Variants in GFRA3 observed in about 807,000 individuals in gnomAD.
The protein encoded by GFRA3 is GDNF family receptor alpha-3.
Under a neutral mutation model 40.0 loss-of-function variants are expected in GFRA3, and 24 were observed. The ratio of observed to expected loss-of-function variants is 0.60; its 90% CI spans 0.43 to 0.84. The LOEUF is 0.84. Among genes scored for constraint, GFRA3 ranks in the 40% least tolerant of loss-of-function variants. GFRA3 has a pLI of 0.00. For missense variants in GFRA3, 405 were observed against 530.6 expected, an observed-to-expected ratio of 0.76 and a Z score of 2.33; for synonymous variants, 203 against 213.5, an observed-to-expected ratio of 0.95 and a Z score of 0.43.
rs555082203 is a variant in GFRA3, at chr5:138,273,203, C to A, written c.91+1131G>T. On this transcript the variant is annotated intron_variant, in intron 1 of 7. Coordinates refer to ENST00000274721, the MANE Select transcript of GFRA3 (RefSeq NM_001496.4). ...CCTGAGCAATGATATTTTCCACCCC[C>A]AAAGCCCTCTGTTGGTCTGTGCTCT... is the stretch of plus-strand genomic sequence containing the variant. Among the ~76,000 whole-genome samples the A allele has an allele frequency of 3.9e-5, 6 of 152,294 alleles. No homozygotes were observed. The East Asian group carries it at 1.2e-3, about 29-fold the overall frequency.
chr5:138,274,472 G>A lies in GFRA3; in HGVS notation c.-48C>T. 8.0e-7 allele frequency: 1 copy of A among 1,257,602 alleles called. No homozygotes were observed. 77.9% of individuals were successfully genotyped at this position (1,257,602 alleles called of 1,614,324 possible). ...CCGCGCTCCCCTCGCTCCTCCCCTG[G>A]AGCTCTGAGAGCGGGGCTCCCTCGA... On this transcript the variant is annotated 5_prime_UTR_variant, in exon 1 of 8. Coordinates refer to ENST00000274721, the MANE Select transcript of GFRA3 (RefSeq NM_001496.4).
intron 1 of GFRA3, 89 bp downstream of exon 1, chr5:138,274,245 G>C: frequency 2.3e-6 from 3 of 1,297,952 alleles, no homozygotes; most frequent in Non-Finnish European, 2.9e-6. Context: ...AGGCTGCTGC[G>C]CCCTCTCCGG....
At chr5:138,264,622 G>T in intron 1 of GFRA3, 74 bp from the exon 2 acceptor site, 1 of 1,001,486 alleles carries the variant, frequency 1.0e-6, no homozygotes, top group Non-Finnish European at 1.5e-6. Context: ...CATGAGGTTG[G>T]GAGAGGGATA....
intron 2 of GFRA3, among the ~76,000 whole-genome samples, chr5:138,261,693 C>CAAAAAA (rs70979598): frequency 7.6e-4 from 35 of 46,134 alleles, no homozygotes; most frequent in Middle Eastern, 0.012. Flanking sequence ...GACTCTGTCT[C>CAAAAAA]AAAAAAAAAA....
In GFRA3 at chr5:138,274,357, G is replaced by A. The variant is rs753915925; in HGVS notation, c.68C>T (p.Pro23Leu). Residue 23 changes from proline (P) to leucine (L), a missense_variant, in exon 1 of 8, where the codon CCG becomes CTG. Physicochemically the swap from Pro to Leu is moderately conservative, Grantham distance 98 (BLOSUM62 -3). Coordinates refer to ENST00000274721, the MANE Select transcript of GFRA3 (RefSeq NM_001496.4). ...VVLMLLLLLPPSPLPLAAGDP... is the reference protein window; with the variant it reads ...VVLMLLLLLPLSPLPLAAGDP... ...ACCGGCTGCGAGAGGCAGCGGCGAC[G>A]GCGGCAGCAGCAGCAGCAACATCAG... 15 of 1,336,742 alleles carry A rather than the reference G, an allele frequency of 1.1e-5. No homozygotes were observed. Among genetic ancestry groups the A allele is most frequent in the Non-Finnish European group, 1.4e-5 (15 of 1,039,460 alleles). The allele number at this position is 1,336,742 out of a possible 1,614,324, so 82.8% of individuals were successfully genotyped here.
intron 1 of GFRA3, among the ~76,000 whole-genome samples, chr5:138,272,807 C>T (rs1755895443): frequency 6.6e-6 from 1 of 152,042 alleles, no homozygotes; most frequent in Admixed American, 6.6e-5. Flanking sequence ...TTACTTGCCC[C>T]ACCTCCTCAT....
rs1330801308 is a variant in GFRA3 at position 138,271,929 on chromosome 5, G to A, written c.91+2405C>T. Among the ~76,000 whole-genome samples, 27 of 126,244 alleles carry A rather than the reference G, an allele frequency of 2.1e-4. 1 individual carries two copies. The highest frequency in any genetic ancestry group is 2.7e-4 in the Non-Finnish European group (17 of 62,010). The allele number at this position is 126,244 out of a possible 152,430, so 82.8% of individuals were successfully genotyped here. On this transcript the variant is annotated intron_variant, in intron 1 of 7. Transcript: ENST00000274721. Reference sequence around the variant, plus strand: ...TTTTTTTTTTTGTGTGTGTGTGTGTGTGTGTGTGTGTGTGTGGTTTGGTTG... The same window carrying A: ...TTTTTTTTTTTGTGTGTGTGTGTGTATGTGTGTGTGTGTGTGGTTTGGTTG...
chr5:138,271,910 T>G (rs1755877665), intron 1 of GFRA3, among the ~76,000 whole-genome samples: 4 of 118,124 alleles, frequency 3.4e-5, no homozygotes, highest in South Asian at 2.9e-4. Flanking sequence ...TTTTTTTTTT[T>G]TTTTGTGTGT....
chr5:138,266,830 C>T (rs1419147632), intron 1 of GFRA3, among the ~76,000 whole-genome samples: 1 of 151,968 alleles, frequency 6.6e-6, no homozygotes, highest in Non-Finnish European at 1.5e-5. Context: ...TACAGGCACC[C>T]GCCACAATGC....
At chr5:138,266,786 A>T (rs1755791446) in intron 1 of GFRA3, among the ~76,000 whole-genome samples, 1 of 151,332 alleles carries the variant, frequency 6.6e-6, no homozygotes, top group South Asian at 2.1e-4. Flanking sequence ...GGCTCAAGCG[A>T]TTCTCCTGCC....
chr5:138,256,001 G>A (rs1201458679), intron 4 of GFRA3, among the ~76,000 whole-genome samples: 1 of 151,896 alleles, frequency 6.6e-6, no homozygotes, highest in African/African-American at 2.4e-5. Context: ...GCCAAGGTGG[G>A]CAGATCAACT....
chr5:138,264,769 A>G (rs1755758628), intron 1 of GFRA3, among the ~76,000 whole-genome samples: 1 of 152,160 alleles, frequency 6.6e-6, no homozygotes. Context: ...AGGCCCAACA[A>G]GAAATAGGGG....
intron 2 of GFRA3, among the ~76,000 whole-genome samples, chr5:138,262,059 A>G (rs1755718425): frequency 1.3e-5 from 2 of 152,228 alleles, no homozygotes. Context: ...TAGAAATCAA[A>G]GATATAAGCA....
chr5:138,261,684 ACT>A (rs1409905670), intron 2 of GFRA3, among the ~76,000 whole-genome samples: 1 of 119,832 alleles, frequency 8.3e-6, no homozygotes, highest in Admixed American at 1.1e-4. Context: ...ACAGAGGAAG[ACT>A]CTGTCTCAAA....
At chr5:138,266,118 C>T (rs1433367125) in intron 1 of GFRA3, among the ~76,000 whole-genome samples, 5 of 152,134 alleles carry the variant, frequency 3.3e-5, no homozygotes, top group South Asian at 2.1e-4. Context: ...TTGTGAATAG[C>T]GCTTTGATGA....
intron 2 of GFRA3, among the ~76,000 whole-genome samples, chr5:138,261,443 C>A (rs1040433370): frequency 3.3e-5 from 5 of 152,066 alleles, no homozygotes; most frequent in Non-Finnish European, 5.9e-5. Context: ...TGCCTGTAAT[C>A]CCGGCATTTT....
At chr5:138,257,045 C>T (rs977032946) in intron 4 of GFRA3, among the ~76,000 whole-genome samples, 4 of 152,054 alleles carry the variant, frequency 2.6e-5, no homozygotes, top group East Asian at 1.9e-4. Context: ...CACCACTCTA[C>T]ATAAATTATG....
At position 138,274,586 on chromosome 5, in the gene GFRA3, G is replaced by T; in HGVS notation, c.-162C>A. The T allele has an allele frequency of 2.4e-6, 3 of 1,226,758 alleles. No individual in the cohort carries two copies. The highest frequency in any genetic ancestry group is 3.0e-6 in the Non-Finnish European group (3 of 985,204). 76.0% of individuals were successfully genotyped at this position (1,226,758 alleles called of 1,614,324 possible). A position where few individuals can be genotyped will look rare whatever the true frequency, so the allele number is the denominator to read the frequency against. Reference sequence around the variant, plus strand: ...CTGGGCGCCGCCCTCCAACTCCGAAGCGCGCGTCCACACCACGCGCCTCCA... The same window carrying T: ...CTGGGCGCCGCCCTCCAACTCCGAATCGCGCGTCCACACCACGCGCCTCCA... On this transcript the variant is annotated 5_prime_UTR_variant, in exon 1 of 8. Transcript: ENST00000274721.
rs1755924094 is a variant in GFRA3 at position 138,274,550 on chromosome 5, C to T, written c.-126G>A. ...CCTCCAGCGCGACGCACACACTCTC[C>T]CACCAGGGTCCTGGGCGCCGCCCTC... On this transcript the variant is annotated 5_prime_UTR_variant, in exon 1 of 8. Coordinates refer to ENST00000274721, the MANE Select transcript of GFRA3 (RefSeq NM_001496.4). 8.1e-7 allele frequency: 1 copy of T among 1,231,776 alleles called. No individual in the cohort carries two copies. Among genetic ancestry groups the T allele is most frequent in the Non-Finnish European group, 1.0e-6 (1 of 987,814 alleles). The allele number at this position is 1,231,776 out of a possible 1,614,324, so 76.3% of individuals were successfully genotyped here. A position where few individuals can be genotyped will look rare whatever the true frequency, so the allele number is the denominator to read the frequency against.
Sources: gnomAD v4.1 joint callset for allele counts (sites outside exome capture counted in the v4.1 genomes callset) on GRCh38, gnomAD v4.1.1 for gene constraint, MANE v1.5 for transcripts, NCBI Gene and HGNC (gene_info 2026-07-23, HGNC 2026-07-21) for gene names.